Variants in DGKB observed in about 807,000 individuals in gnomAD.
DGKB encodes diacylglycerol kinase beta.
Under a neutral mutation model 114.3 loss-of-function variants are expected in DGKB, and 67 were observed. The ratio of observed to expected loss-of-function variants is 0.59; its 90% CI spans 0.48 to 0.72. DGKB has a LOEUF of 0.72. DGKB is among the 30% of genes least tolerant of loss of function. DGKB has a pLI of 0.00. For synonymous variants in DGKB, 398 were observed against 323.1 expected (o/e 1.23, Z -2.49); for missense variants, 907 against 975.2 (o/e 0.93, Z 0.93).
At chr7:14,471,876 G>A (rs1187742962) in intron 21 of DGKB, among the ~76,000 whole-genome samples, 1 of 152,052 alleles carries the variant, frequency 6.6e-6, no homozygotes, top group Non-Finnish European at 1.5e-5. Context: ...AAACTGTGTA[G>A]TTACTAAAGC....
intron 25 of DGKB, among the ~76,000 whole-genome samples, chr7:14,153,047 T>C (rs7796440): frequency 0.44 from 67,044 of 151,760 alleles, 14,901 homozygotes; most frequent in East Asian, 0.56. Context: ...TATTTGTATC[T>C]CACAGCACAT....
intron 1 of DGKB, among the ~76,000 whole-genome samples, chr7:14,908,887 T>A (rs1783844368): frequency 6.6e-6 from 1 of 152,194 alleles, no homozygotes; most frequent in Non-Finnish European, 1.5e-5. Context: ...TGTGGAAATG[T>A]AATAACAAAA....
chr7:14,188,959 G>T (rs918923324), intron 23 of DGKB, among the ~76,000 whole-genome samples: 3 of 151,950 alleles, frequency 2.0e-5, no homozygotes, highest in African/African-American at 4.8e-5. Context: ...AAATGAAGAA[G>T]AAATAAAAAT....
At chr7:14,566,486 T>A (rs1435614556) in intron 20 of DGKB, among the ~76,000 whole-genome samples, 2 of 152,212 alleles carry the variant, frequency 1.3e-5, no homozygotes, top group Admixed American at 6.5e-5. Flanking sequence ...GTTGTTTGTG[T>A]CATTTTTATG....
chr7:14,439,941 A>T (rs1829844205), intron 21 of DGKB, among the ~76,000 whole-genome samples: 1 of 151,950 alleles, frequency 6.6e-6, no homozygotes, highest in Non-Finnish European at 1.5e-5. Context: ...TCACTACAAC[A>T]GTTACTACTG....
chr7:14,764,075 G>A (rs1230987870), intron 2 of DGKB, among the ~76,000 whole-genome samples: 3 of 151,838 alleles, frequency 2.0e-5, no homozygotes, highest in East Asian at 1.9e-4. Flanking sequence ...AAAGATATTC[G>A]TGGTATAGAA....
chr7:14,347,926 G>T (rs1812754065), intron 21 of DGKB, among the ~76,000 whole-genome samples: 2 of 151,750 alleles, frequency 1.3e-5, no homozygotes, highest in African/African-American at 4.8e-5. Flanking sequence ...AATAAAGCTG[G>T]GGAATAATAA....
At chr7:14,890,899 C>T (rs1370981415) in intron 1 of DGKB, among the ~76,000 whole-genome samples, 1 of 150,522 alleles carries the variant, frequency 6.6e-6, no homozygotes, top group Admixed American at 6.6e-5. Context: ...CTAAATCTAA[C>T]TTACGCTTCT....
At chr7:14,253,455 C>G (rs540602160) in intron 23 of DGKB, among the ~76,000 whole-genome samples, 2 of 152,136 alleles carry the variant, frequency 1.3e-5, no homozygotes, top group Non-Finnish European at 2.9e-5. Context: ...AGCTGTCTGG[C>G]CCAGGCTATT....
rs187525698 is a variant in DGKB, at chr7:14,207,439, C to T, written c.2123-29288G>A. Among the ~76,000 whole-genome samples the T allele has an allele frequency of 4.3e-3, 654 of 151,990 alleles. 6 individuals carry two copies. Among genetic ancestry groups the T allele is most frequent in the African/African-American group, 0.015 (628 of 41,482 alleles). The stretch of plus-strand genomic sequence containing the variant: ...ATTCTGTTCTCTGAGGGCATGGAGT[C>T]CGAAGTCCTAGGGGTAGCATCCTGT... On this transcript the variant is annotated intron_variant, in intron 23 of 25. Transcript: ENST00000402815.
At chr7:14,299,064 G>A (rs897541957) in intron 23 of DGKB, among the ~76,000 whole-genome samples, 3 of 152,108 alleles carry the variant, frequency 2.0e-5, no homozygotes, top group East Asian at 1.9e-4. Context: ...AGAGGATGTC[G>A]AGAAATAGGA....
At chr7:14,684,979 A>G (rs1404537817) in intron 10 of DGKB, among the ~76,000 whole-genome samples, 1 of 152,184 alleles carries the variant, frequency 6.6e-6, no homozygotes, top group African/African-American at 2.4e-5. Flanking sequence ...GAAATGGGAA[A>G]CATGAATAAA....
intron 21 of DGKB, among the ~76,000 whole-genome samples, chr7:14,418,011 G>A (rs566671823): frequency 1.3e-5 from 2 of 151,024 alleles, no homozygotes; most frequent in African/African-American, 2.4e-5. Flanking sequence ...GTCATCATTT[G>A]CTTATTAATA....
intron 23 of DGKB, among the ~76,000 whole-genome samples, chr7:14,312,242 C>T (rs372100797): frequency 4.5e-4 from 68 of 152,288 alleles, no homozygotes; most frequent in African/African-American, 1.5e-3. Context: ...GTATGTGGAA[C>T]GCCACACTGG....
chr7:14,669,616 T>C (rs1818618571), intron 13 of DGKB, among the ~76,000 whole-genome samples: 1 of 152,216 alleles, frequency 6.6e-6, no homozygotes, highest in Admixed American at 6.6e-5. Flanking sequence ...ACTTATTTAT[T>C]GTGTATATTT....
chr7:14,274,572 T>G (rs1415377906), intron 23 of DGKB, among the ~76,000 whole-genome samples: 1 of 152,150 alleles, frequency 6.6e-6, no homozygotes, highest in Non-Finnish European at 1.5e-5. Context: ...TAGTTTGTGC[T>G]GCTATTAAAA....
intron 2 of DGKB, among the ~76,000 whole-genome samples, chr7:14,819,601 A>G (rs993643753): frequency 2.6e-5 from 4 of 152,104 alleles, no homozygotes; most frequent in African/African-American, 9.7e-5. Flanking sequence ...AAAATGTAAA[A>G]ATAAAATAAT....
chr7:14,914,682 A>G (rs991515295), intron 1 of DGKB, among the ~76,000 whole-genome samples: 6 of 152,182 alleles, frequency 3.9e-5, no homozygotes, highest in African/African-American at 1.2e-4. Flanking sequence ...CTCAGATATG[A>G]CACAGATTTT....
chr7:14,845,882 G>C (rs957217051), intron 1 of DGKB, among the ~76,000 whole-genome samples: 1 of 150,138 alleles, frequency 6.7e-6, no homozygotes, highest in Non-Finnish European at 1.5e-5. Flanking sequence ...AGTTGAAAAT[G>C]GGTGGCATTA....
Sources: gnomAD v4.1 joint callset for allele counts (sites outside exome capture counted in the v4.1 genomes callset) on GRCh38, gnomAD v4.1.1 for gene constraint, MANE v1.5 for transcripts, NCBI Gene and HGNC (gene_info 2026-07-23, HGNC 2026-07-21) for gene names.